PEX14: variants seen among roughly 807,000 people sequenced by gnomAD.
The protein encoded by PEX14 is peroxisomal biogenesis factor 14.
In PEX14, 15 loss-of-function variants were observed where a neutral mutation model predicts 49.5. The observed-to-expected ratio is 0.30, with a 90% CI of 0.20 to 0.47. The LOEUF is 0.47. Among genes scored for constraint, PEX14 ranks in the 20% least tolerant of loss-of-function variants. PEX14 has a pLI of 1.00. For synonymous variants in PEX14, 210 were observed against 212.7 expected, an observed-to-expected ratio of 0.99 and a Z score of 0.11; for missense variants, 398 against 494.8, an observed-to-expected ratio of 0.80 and a Z score of 1.86.
intron 4 of PEX14, 74 bp from the exon 5 acceptor site, chr1:10,618,258 G>T (rs1641484559): frequency 1.8e-6 from 2 of 1,127,828 alleles, no homozygotes; most frequent in Non-Finnish European, 2.7e-6. Flanking sequence ...TGCCACTGAG[G>T]CACCTGTGCC....
intron 2 of PEX14, chr1:10,528,386 A>T (rs977673769): frequency 5.0e-6 from 3 of 599,344 alleles, no homozygotes; most frequent in Non-Finnish European, 4.2e-6. Context: ...TTCAGAAAGC[A>T]TGAAATTCAA....
At chr1:10,600,900 G>C (rs1199298842) in intron 4 of PEX14, among the ~76,000 whole-genome samples, 1 of 149,670 alleles carries the variant, frequency 6.7e-6, no homozygotes, top group Non-Finnish European at 1.5e-5. Context: ...TTGGGAGGCC[G>C]AGGCGGGTGG....
At chr1:10,519,326 C>G (rs1642025968) in intron 2 of PEX14, among the ~76,000 whole-genome samples, 1 of 152,110 alleles carries the variant, frequency 6.6e-6, no homozygotes. Context: ...GTGGCCATAG[C>G]AGAGGGCAGG....
At chr1:10,555,205 G>A (rs1639450809) in intron 3 of PEX14, among the ~76,000 whole-genome samples, 1 of 151,732 alleles carries the variant, frequency 6.6e-6, no homozygotes, top group African/African-American at 2.4e-5. Context: ...AGTCTACTTT[G>A]GTGGGCTTTT....
chr1:10,536,454 T>C, intron 3 of PEX14, 157 bp downstream of exon 3: 1 of 666,790 alleles, frequency 1.5e-6, no homozygotes, highest in South Asian at 1.6e-5. Flanking sequence ...CAGTGGGGCA[T>C]GCAGGTTTCT....
At chr1:10,570,395 C>A (rs1328890662) in intron 3 of PEX14, among the ~76,000 whole-genome samples, 1 of 151,306 alleles carries the variant, frequency 6.6e-6, no homozygotes, top group Non-Finnish European at 1.5e-5. Context: ...TGCAGTGGTG[C>A]GATCTTGGCT....
intron 3 of PEX14, among the ~76,000 whole-genome samples, chr1:10,561,925 A>G (rs1227288049): frequency 6.6e-6 from 1 of 151,820 alleles, no homozygotes; most frequent in Non-Finnish European, 1.5e-5. Context: ...ATAATCTATT[A>G]TTGTCATTTT....
At chr1:10,489,430 A>C (rs1433024002) in intron 1 of PEX14, among the ~76,000 whole-genome samples, 11 of 151,878 alleles carry the variant, frequency 7.2e-5, no homozygotes, top group Non-Finnish European at 1.2e-4. Context: ...CCTGTTTTTT[A>C]GCTTTGTTAG....
chr1:10,611,098 G>A (rs1319096373), intron 4 of PEX14, among the ~76,000 whole-genome samples: 1 of 151,856 alleles, frequency 6.6e-6, no homozygotes, highest in Non-Finnish European at 1.5e-5. Context: ...AACCCTGTCT[G>A]TACTAAAAAT....
chr1:10,555,278 G>GT (rs2124518231), intron 3 of PEX14, among the ~76,000 whole-genome samples: 1 of 151,998 alleles, frequency 6.6e-6, no homozygotes, highest in Admixed American at 6.5e-5. Flanking sequence ...TAAATGAAAG[G>GT]TTTGGACATT....
intron 7 of PEX14, among the ~76,000 whole-genome samples, chr1:10,625,515 T>G (rs900165639): frequency 6.6e-6 from 1 of 152,232 alleles, no homozygotes; most frequent in Non-Finnish European, 1.5e-5. Context: ...GTGTCTCTTG[T>G]GAAGAGGGTC....
At position 10,536,251 on chromosome 1, in the gene PEX14, C is replaced by T. The variant is rs1638799005; in HGVS notation, c.123C>T (p.Val41=). The change falls in exon 3 of 9, where the codon GTC becomes GTT. Residue 41 remains valine, a synonymous_variant. Transcript: ENST00000356607. The part of the protein sequence containing the change: ...TAVKFLQNSR[V]RQSPLATRRA... ...TGAAGTTTCTACAGAATTCCCGGGT[C>T]CGCCAGAGCCCACTTGCAACCAGGA... 2 of 1,612,402 alleles carry T rather than the reference C, an allele frequency of 1.2e-6. No individual in the cohort carries two copies. Among genetic ancestry groups the T allele is most frequent in the Admixed American group, 1.7e-5 (1 of 59,992 alleles).
intron 3 of PEX14, among the ~76,000 whole-genome samples, chr1:10,568,235 G>T (rs1483321189): frequency 2.0e-5 from 3 of 150,128 alleles, no homozygotes; most frequent in Non-Finnish European, 4.4e-5. Flanking sequence ...ATGTGTTTCT[G>T]ATTTTAAATA....
Position 10,529,922 on chromosome 1 carries a change from A to G in PEX14, c.85-6291A>G, listed in dbSNP as rs1238685203. Among the ~76,000 whole-genome samples, 1 of 152,200 alleles carries G rather than the reference A, an allele frequency of 6.6e-6. No individual in the cohort carries two copies. The highest frequency in any genetic ancestry group is 1.9e-4 in the East Asian group (1 of 5,188). ...TCAACAATGGGAAGGACACAGTGAC[A>G]AAACCCAGGAAATTCCAAGTCGAAA... On this transcript the variant is annotated intron_variant, in intron 2 of 8. Transcript: ENST00000356607. This position sits in a 1 kb window ranked among gnomAD's most constrained non-coding sequence, Gnocchi z 4.2.
chr1:10,623,284 T>G lies in PEX14; in HGVS notation c.487+163T>G, dbSNP rs1641648662. 1.5e-6 allele frequency: 1 copy of G among 651,250 alleles called. No homozygotes were observed. Among genetic ancestry groups the G allele is most frequent in the African/African-American group, 1.8e-5 (1 of 55,814 alleles). 40.3% of individuals were successfully genotyped at this position (651,250 alleles called of 1,614,324 possible). On this transcript the variant is annotated intron_variant, in intron 6 of 8. Transcript: ENST00000356607. This position sits in a 1 kb window ranked among gnomAD's most constrained non-coding sequence, Gnocchi z 4.4. ...AAATGAAGCCGCCGTCATTTCGGTTTAATTTGAAATTGCTTGTTTACTGTC... is the reference window on the plus strand; with the variant it reads ...AAATGAAGCCGCCGTCATTTCGGTTGAATTTGAAATTGCTTGTTTACTGTC...
chr1:10,609,922 A>T (rs894721861), intron 4 of PEX14, among the ~76,000 whole-genome samples: 2 of 151,834 alleles, frequency 1.3e-5, no homozygotes, highest in African/African-American at 4.8e-5. Flanking sequence ...AACATTTTGT[A>T]TAAATGGAAC....
intron 3 of PEX14, among the ~76,000 whole-genome samples, chr1:10,551,346 T>C (rs6688558): frequency 0.31 from 47,733 of 152,074 alleles, 8,315 homozygotes; most frequent in East Asian, 0.46. Flanking sequence ...AAATCGACTT[T>C]CTCCTGAGCT....
At position 10,560,718 on chromosome 1, in the gene PEX14, C is replaced by T. The variant is rs1312628436; in HGVS notation, c.169+24421C>T. The stretch of plus-strand genomic sequence containing the variant: ...TTCTTAGTTGTTAACATTTTGCCAC[C>T]TTTTTTTTTTTTTTTTTGAGACGGA... On this transcript the variant is annotated intron_variant, in intron 3 of 8. Coordinates refer to ENST00000356607, the MANE Select transcript of PEX14 (RefSeq NM_004565.3). 7.0e-5 allele frequency among the ~76,000 whole-genome samples: 9 copies of T among 129,084 alleles called. No homozygotes were observed. In the East Asian group the frequency reaches 2.0e-3, roughly 29 times the overall value. The allele number at this position is 129,084 out of a possible 152,430, so 84.7% of individuals were successfully genotyped here.
intron 4 of PEX14, among the ~76,000 whole-genome samples, chr1:10,609,766 TC>T (rs1641225480): frequency 6.6e-6 from 1 of 152,064 alleles, no homozygotes; most frequent in African/African-American, 2.4e-5. Flanking sequence ...GCGCCTGTAA[TC>T]CCAGCTACTC....
Sources: gnomAD v4.1 joint callset for allele counts (sites outside exome capture counted in the v4.1 genomes callset) on GRCh38, gnomAD v4.1.1 for gene constraint, Gnocchi (gnomAD v3.1) non-coding constraint, MANE v1.5 for transcripts, NCBI Gene and HGNC (gene_info 2026-07-23, HGNC 2026-07-21) for gene names.